Variants in CDH20 observed in about 807,000 individuals in gnomAD.
CDH20 encodes the protein cadherin 20.
CDH20 carries 29 observed loss-of-function variants against 74.2 expected under a neutral mutation model. The observed-to-expected ratio is 0.39, with a 90% confidence interval of 0.29 to 0.53. The LOEUF (loss-of-function observed/expected upper bound fraction) is 0.53, where lower values mean the gene tolerates loss of function less well. Ranked by LOEUF, CDH20 falls within the 20% of genes least tolerant of loss-of-function variation. CDH20 has a pLI of 0.69. For missense variants in CDH20, 988 were observed against 1,048.3 expected (o/e 0.94, Z 0.79); for synonymous variants, 469 against 405.4 (o/e 1.16, Z -1.88).
At chr18:61,511,598 A>G (rs566198440) in intron 6 of CDH20, among the ~76,000 whole-genome samples, 84 of 152,320 alleles carry the variant, frequency 5.5e-4, no homozygotes, top group African/African-American at 1.9e-3. Flanking sequence ...TGTCTGAGAT[A>G]ATTCTAAATA....
At chr18:61,543,495 G>C (rs1181346931) in intron 9 of CDH20, among the ~76,000 whole-genome samples, 1 of 145,706 alleles carries the variant, frequency 6.9e-6, no homozygotes, top group East Asian at 2.1e-4. Context: ...GTTTCACACA[G>C]ATTTCTTTAA....
chr18:61,496,583 G>A (rs544495170), intron 2 of CDH20, among the ~76,000 whole-genome samples: 38 of 152,248 alleles, frequency 2.5e-4, no homozygotes, highest in African/African-American at 8.9e-4. Flanking sequence ...AGTCAGGGGC[G>A]CCCTGTGGTG....
intron 1 of CDH20, among the ~76,000 whole-genome samples, chr18:61,470,606 G>GA (rs370509015): frequency 0.028 from 4,054 of 143,306 alleles, 114 homozygotes; most frequent in African/African-American, 0.07. Context: ...AACCTGGAAA[G>GA]AAAAAAAAAA....
intron 1 of CDH20, among the ~76,000 whole-genome samples, chr18:61,473,109 T>C (rs1039305313): frequency 5.3e-5 from 8 of 152,224 alleles, no homozygotes; most frequent in African/African-American, 1.7e-4. Context: ...CATACTTTAT[T>C]ATGAACAGTA....
intron 8 of CDH20, among the ~76,000 whole-genome samples, chr18:61,538,643 G>T (rs1455276477): frequency 9.6e-6 from 1 of 104,298 alleles, no homozygotes; most frequent in East Asian, 2.6e-4. Flanking sequence ...TTTTGAGACG[G>T]AGTCTTACTC....
intron 1 of CDH20, among the ~76,000 whole-genome samples, chr18:61,485,858 G>A (rs1910743130): frequency 1.3e-5 from 2 of 152,254 alleles, no homozygotes; most frequent in South Asian, 2.1e-4. Flanking sequence ...CGGATCACGA[G>A]GTCAGGAGAT....
intron 11 of CDH20, among the ~76,000 whole-genome samples, chr18:61,551,278 C>T (rs1271571068): frequency 6.6e-6 from 1 of 152,042 alleles, no homozygotes; most frequent in Non-Finnish European, 1.5e-5. Flanking sequence ...ATATATCATG[C>T]TTAGAGAAAA....
At position 61,425,327 on chromosome 18, in the gene CDH20, C is replaced by T. The variant is rs147399011; in HGVS notation, c.-152-65075C>T. Among the ~76,000 whole-genome samples the T allele has an allele frequency of 2.7e-3, 412 of 152,290 alleles. 2 individuals carry two copies. Among genetic ancestry groups the T allele is most frequent in the African/African-American group, 9.5e-3 (395 of 41,562 alleles). ...TGGGAACTTCCAGTAATGACCATCA[C>T]TGACCCATAGAAAAGAAAGTATCCT... On this transcript the variant is annotated intron_variant, in intron 1 of 11. Coordinates refer to ENST00000262717, the MANE Select transcript of CDH20 (RefSeq NM_031891.4).
chr18:61,517,873 G>T (rs1056459487), intron 6 of CDH20, among the ~76,000 whole-genome samples: 1 of 152,164 alleles, frequency 6.6e-6, no homozygotes, highest in Non-Finnish European at 1.5e-5. Context: ...CCACTGGCTT[G>T]AAATTCCTGC....
At chr18:61,334,591 C>A (rs1344384654) in intron 1 of CDH20, among the ~76,000 whole-genome samples, 1 of 152,164 alleles carries the variant, frequency 6.6e-6, no homozygotes, top group Non-Finnish European at 1.5e-5. Flanking sequence ...GCAAAGAGAA[C>A]GTTACCGAGG....
At chr18:61,552,641 C>T (rs1046026089) in intron 11 of CDH20, among the ~76,000 whole-genome samples, 2 of 152,214 alleles carry the variant, frequency 1.3e-5, no homozygotes, top group African/African-American at 4.8e-5. Flanking sequence ...CCCAGTGACA[C>T]TTGTGGCTCT....
intron 1 of CDH20, among the ~76,000 whole-genome samples, chr18:61,458,999 A>G (rs753160384): frequency 1.3e-5 from 2 of 152,210 alleles, no homozygotes; most frequent in Non-Finnish European, 2.9e-5. Flanking sequence ...TAAGTGTGTT[A>G]AGAAACTTCT....
chr18:61,405,180 T>C (rs1912290434), intron 1 of CDH20: 3 of 489,772 alleles, frequency 6.1e-6, no homozygotes, highest in East Asian at 4.9e-5. Flanking sequence ...CTCCAGCGAC[T>C]TTTTTGTCTT....
At position 61,550,040 on chromosome 18, in the gene CDH20, C is replaced by T. The variant is rs1913377379; in HGVS notation, c.1711C>T (p.His571Tyr). Reference sequence around the variant, plus strand: ...CCGGCAGCAGGAGCAGAGTGTCTTTCACCTGCCTATCCTGATAGCAGATAG... The same window carrying T: ...CCGGCAGCAGGAGCAGAGTGTCTTTTACCTGCCTATCCTGATAGCAGATAG... The part of the protein sequence containing the change: ...GFRQQEQSVF[H>Y]LPILIADSGQ... Residue 571 changes from histidine to tyrosine, a missense_variant, in exon 11 of 12, where the codon CAC (histidine) becomes TAC (tyrosine). Transcript: ENST00000262717. 1.2e-6 allele frequency: 2 copies of T among 1,614,098 alleles called. No homozygotes were observed. Among genetic ancestry groups the T allele is most frequent in the Admixed American group, 3.3e-5 (2 of 60,008 alleles).
chr18:61,538,867 C>T (rs930795818), intron 8 of CDH20, among the ~76,000 whole-genome samples, 157 bp from the exon 9 acceptor site: 1 of 151,888 alleles, frequency 6.6e-6, no homozygotes, highest in Admixed American at 6.6e-5. Context: ...CTCCTGACAT[C>T]GTGATCCTCC....
chr18:61,420,247 T>A (rs1387352128), intron 1 of CDH20, among the ~76,000 whole-genome samples: 1 of 152,228 alleles, frequency 6.6e-6, no homozygotes, highest in Non-Finnish European at 1.5e-5. Flanking sequence ...TTGAGCTGTT[T>A]GTTAACTGTA....
chr18:61,434,075 T>C (rs1307428283), intron 1 of CDH20, among the ~76,000 whole-genome samples: 1 of 152,146 alleles, frequency 6.6e-6, no homozygotes, highest in Non-Finnish European at 1.5e-5. Context: ...AACAGCCCTT[T>C]ATACTGTGAC....
At position 61,545,054 on chromosome 18, in the gene CDH20, C is replaced by A. The variant is rs1913190010; in HGVS notation, c.1558C>A (p.Gln520Lys). ...GATCCAGACAGTGAGTGCGGTGGAC[C>A]AAGATGACCCACGCAATGGTCAGCA... ...QLIQTVSAVD[Q>K]DDPRNGQHFY... is the part of the protein sequence containing the mutation. The change falls in exon 10 of 12, where the codon CAA (glutamine) becomes AAA (lysine). Residue 520 changes from glutamine to lysine, a missense_variant. Coordinates refer to ENST00000262717, the MANE Select transcript of CDH20 (RefSeq NM_031891.4). The A allele has an allele frequency of 6.2e-7, 1 of 1,613,620 alleles. No individual in the cohort carries two copies. Among genetic ancestry groups the A allele is most frequent in the Non-Finnish European group, 8.5e-7 (1 of 1,179,636 alleles).
chr18:61,489,375 TCAGATGA>T (rs1457092704), intron 1 of CDH20, among the ~76,000 whole-genome samples: 1 of 152,080 alleles, frequency 6.6e-6, no homozygotes. Flanking sequence ...ACATTTGTTC[TCAGATGA>T]CAGCAGTTCT....
Sources: allele counts gnomAD v4.1 joint callset (sites outside exome capture counted in the v4.1 genomes callset), GRCh38; gene constraint gnomAD v4.1.1; transcripts MANE v1.5; gene names NCBI Gene and HGNC (gene_info 2026-07-23, HGNC 2026-07-21).